HSPG2: variants seen among roughly 807,000 people sequenced by gnomAD.
The protein encoded by HSPG2 is basement membrane-specific heparan sulfate proteoglycan core protein.
In HSPG2, 278 loss-of-function variants were observed where a neutral mutation model predicts 526.6. That is an observed-to-expected ratio of 0.53 (90% confidence interval 0.48 to 0.58). The LOEUF (loss-of-function observed/expected upper bound fraction) is 0.58, where lower values mean the gene tolerates loss of function less well. Among genes scored for constraint, HSPG2 ranks in the 20% least tolerant of loss-of-function variants. The pLI is 0.00. For synonymous variants in HSPG2, 2,465 were observed against 2,555.4 expected (o/e 0.96, Z 1.07); for missense variants, 5,354 against 6,099.5 (o/e 0.88, Z 4.07).
rs759362038 is a variant in HSPG2 at position 21,865,104 on chromosome 1, C to G, written c.4396-31G>C. ...TTGGGGGTGGCAACGTGGGCGGGGG[C>G]AGTGGGCTTTGTGGGCTGCTCCTAC... On this transcript the variant is annotated intron_variant, in intron 35 of 96. Coordinates refer to ENST00000374695, the MANE Select transcript of HSPG2 (RefSeq NM_005529.7). The surrounding 1 kb of genome is among the most constrained non-coding windows in gnomAD (Gnocchi z 5.4). 46 of 1,553,064 alleles carry G rather than the reference C, an allele frequency of 3.0e-5. No individual in the cohort carries two copies. In the South Asian group the frequency reaches 5.2e-4, roughly 18 times the overall value.
chr1:21,931,720 A>G (rs898146177), intron 1 of HSPG2, among the ~76,000 whole-genome samples: 3 of 152,132 alleles, frequency 2.0e-5, no homozygotes, highest in Admixed American at 6.5e-5. Flanking sequence ...TCATTGCTCC[A>G]GATCTTTCCA....
chr1:21,888,648 G>A (rs764601144), intron 6 of HSPG2: 5 of 1,361,620 alleles, frequency 3.7e-6, no homozygotes, highest in African/African-American at 1.5e-5. Context: ...GCTGGGCCTC[G>A]GCCTGGCTTA....
At position 21,873,424 on chromosome 1, in the gene HSPG2, C is replaced by T. The variant is rs746791715; in HGVS notation, c.3744G>A (p.Arg1248=). 5.0e-6 allele frequency: 8 copies of T among 1,613,882 alleles called. No individual in the cohort carries two copies. The Admixed American group carries it at 5.0e-5, about 10-fold the overall frequency. The part of the protein sequence containing the change: ...SPGHSGRHCE[R]CAPGYYGNPS... ...GGTTGCCATAGTAGCCAGGGGCGCA[C>T]CTGCAGAGAGAAAAAGCCTCTGATG... The change falls in exon 30 of 97, where the codon AGG becomes AGA. Residue 1248 remains arginine (R), a splice_region_variant and synonymous_variant. Transcript: ENST00000374695.
At chr1:21,863,848 A>T (rs1042728733) in intron 37 of HSPG2, among the ~76,000 whole-genome samples, 3 of 152,162 alleles carry the variant, frequency 2.0e-5, no homozygotes, top group East Asian at 1.9e-4. Flanking sequence ...TGTATTAGAT[A>T]AAAAAAATTT....
In HSPG2 at chr1:21,834,667, A is replaced by G. The variant is rs2098019095; in HGVS notation, c.10720+12T>C. On this transcript the variant is annotated intron_variant, in intron 77 of 96. Transcript: ENST00000374695. The stretch of plus-strand genomic sequence containing the variant: ...TCACTGTCCCCCAACAAAAGTCCCC[A>G]CTGGCCTTCACCTTGCACAAGCAGC... The G allele has an allele frequency of 6.2e-7, 1 of 1,613,778 alleles. No individual in the cohort carries two copies. The highest frequency in any genetic ancestry group is 1.3e-5 in the African/African-American group (1 of 74,916).
chr1:21,830,305 C>G lies in HSPG2; in HGVS notation c.11672-214G>C, dbSNP rs972887581. The G allele has an allele frequency of 1.4e-5, 8 of 590,164 alleles. No homozygotes were observed. In the Admixed American group the frequency reaches 1.7e-4, roughly 13 times the overall value. 36.6% of individuals were successfully genotyped at this position (590,164 alleles called of 1,614,324 possible). A position where few individuals can be genotyped will look rare whatever the true frequency, so the allele number is the denominator to read the frequency against. ...CTGCAGGGGAAGCAGTCGAGGGACT[C>G]TGTGTGTCTGCAGGTTCTTCAGAGA... On this transcript the variant is annotated intron_variant, in intron 85 of 96. Coordinates refer to ENST00000374695, the MANE Select transcript of HSPG2 (RefSeq NM_005529.7).
chr1:21,936,131 C>T (rs1289360744), intron 1 of HSPG2, among the ~76,000 whole-genome samples: 6 of 152,098 alleles, frequency 3.9e-5, no homozygotes, highest in Admixed American at 6.5e-5. Context: ...GTGGGGGTGG[C>T]TCTGTGGCTC....
chr1:21,889,933 A>T, intron 6 of HSPG2, 48 bp downstream of exon 6: 1 of 1,606,296 alleles, frequency 6.2e-7, no homozygotes, highest in East Asian at 2.2e-5. Context: ...CTGAAAGGGG[A>T]CCCCACGAGT....
Position 21,833,819 on chromosome 1 carries a change from G to T in HSPG2, c.10827C>A (p.Ser3609Arg). The T allele has an allele frequency of 6.3e-7, 1 of 1,590,506 alleles. No homozygotes were observed. Among genetic ancestry groups the T allele is most frequent in the Non-Finnish European group, 8.6e-7 (1 of 1,167,140 alleles). ...SGYPTPDISW[S>R]KLDGSLPPDS... is the part of the protein sequence containing the mutation. ...TGGTTCCCTCTCCAGCACTTACCTTGCTCCAGCTGATGTCAGGAGTGGGGT... is the reference window on the plus strand; with the variant it reads ...TGGTTCCCTCTCCAGCACTTACCTTTCTCCAGCTGATGTCAGGAGTGGGGT... Residue 3609 changes from serine (S) to arginine (R), a missense_variant, in exon 78 of 97, where the codon AGC becomes AGA. Coordinates refer to ENST00000374695, the MANE Select transcript of HSPG2 (RefSeq NM_005529.7).
Position 21,893,860 on chromosome 1 carries a change from G to T in HSPG2, c.244+2062C>A, listed in dbSNP as rs1642550559. 6.6e-6 allele frequency among the ~76,000 whole-genome samples: 1 copy of T among 150,908 alleles called. No homozygotes were observed. Among genetic ancestry groups the T allele is most frequent in the Admixed American group, 6.6e-5 (1 of 15,194 alleles). On this transcript the variant is annotated intron_variant, in intron 3 of 96. Coordinates refer to ENST00000374695, the MANE Select transcript of HSPG2 (RefSeq NM_005529.7). This position sits in a 1 kb window ranked among gnomAD's most constrained non-coding sequence, Gnocchi z 4.3. ...AAGGTAAGACAAAGGTGAAGAAAAAGGCAGAGGGAAAAAGAAAAAAAAAAA... is the reference window on the plus strand; with the variant it reads ...AAGGTAAGACAAAGGTGAAGAAAAATGCAGAGGGAAAAAGAAAAAAAAAAA...
At chr1:21,883,670 C>A (rs773994350) in intron 13 of HSPG2, among the ~76,000 whole-genome samples, 1 of 152,180 alleles carries the variant, frequency 6.6e-6, no homozygotes, top group African/African-American at 2.4e-5. Flanking sequence ...CCTCAACCAA[C>A]AAAAGGGCAT....
chr1:21,836,559 G>A (rs1450531746), intron 75 of HSPG2, among the ~76,000 whole-genome samples: 1 of 152,184 alleles, frequency 6.6e-6, no homozygotes, highest in Non-Finnish European at 1.5e-5. Context: ...CTGACCTCAG[G>A]TGATCTGCCC....
intron 29 of HSPG2, among the ~76,000 whole-genome samples, 181 bp from the exon 30 acceptor site, chr1:21,873,605 G>A (rs1572313950): frequency 6.6e-6 from 1 of 152,186 alleles, no homozygotes; most frequent in African/African-American, 2.4e-5. Flanking sequence ...GGACCGCACA[G>A]CCAGTGAATT....
intron 9 of HSPG2, among the ~76,000 whole-genome samples, 156 bp from the exon 10 acceptor site, chr1:21,885,607 A>G (rs991578874): frequency 2.0e-5 from 3 of 152,136 alleles, no homozygotes; most frequent in Admixed American, 6.5e-5. Flanking sequence ...AGCCAGCATG[A>G]TGCGGCCACC....
chr1:21,832,958 G>A, intron 80 of HSPG2: 1 of 557,954 alleles, frequency 1.8e-6, no homozygotes, highest in South Asian at 2.0e-5. Flanking sequence ...GTGAGATGGA[G>A]GCAGAGGAGG....
chr1:21,922,700 G>T (rs982065512), intron 1 of HSPG2, among the ~76,000 whole-genome samples: 5 of 152,118 alleles, frequency 3.3e-5, no homozygotes, highest in Non-Finnish European at 7.4e-5. Context: ...GGAGGAAGGT[G>T]GCCCTGCCTA....
At position 21,878,660 on chromosome 1, in the gene HSPG2, G is replaced by C; in HGVS notation, c.2475C>G (p.Phe825Leu). The change falls in exon 19 of 97, where the codon TTC becomes TTG. Residue 825 changes from phenylalanine (F) to leucine (L), a missense_variant. Transcript: ENST00000374695. ...CCGTGTCCAGGAAGCAAGTGTCTGAGAATCTGCAGGTATCAAGTGGACAGG... is the reference window on the plus strand; with the variant it reads ...CCGTGTCCAGGAAGCAAGTGTCTGACAATCTGCAGGTATCAAGTGGACAGG... ...PCPYIDASRR[F>L]SDTCFLDTDG... 1 of 1,614,014 alleles carries C rather than the reference G, an allele frequency of 6.2e-7. No individual in the cohort carries two copies. Among genetic ancestry groups the C allele is most frequent in the Non-Finnish European group, 8.5e-7 (1 of 1,179,890 alleles).
In HSPG2 at chr1:21,858,373, T is replaced by G. The variant is rs1370159678; in HGVS notation, c.5294-988A>C. On this transcript the variant is annotated intron_variant, in intron 42 of 96. Coordinates refer to ENST00000374695, the MANE Select transcript of HSPG2 (RefSeq NM_005529.7). This position sits in a 1 kb window ranked among gnomAD's most constrained non-coding sequence, Gnocchi z 4.2. The stretch of plus-strand genomic sequence containing the variant: ...CCTGCCCTTCCTCTTCCATTTGACA[T>G]GTTCACACTGGAGCTCCTCAGGACT... Among the ~76,000 whole-genome samples, 1 of 152,196 alleles carries G rather than the reference T, an allele frequency of 6.6e-6. No homozygotes were observed. The highest frequency in any genetic ancestry group is 1.5e-5 in the Non-Finnish European group (1 of 68,024).
chr1:21,837,292 C>A (rs2098030390), intron 74 of HSPG2, among the ~76,000 whole-genome samples: 1 of 152,102 alleles, frequency 6.6e-6, no homozygotes, highest in Non-Finnish European at 1.5e-5. Context: ...GGACTCAATA[C>A]TTTTTTTGAG....
Sources: allele counts gnomAD v4.1 joint callset (sites outside exome capture counted in the v4.1 genomes callset), GRCh38; gene constraint gnomAD v4.1.1; non-coding constraint Gnocchi (gnomAD v3.1); transcripts MANE v1.5; gene names NCBI Gene and HGNC (gene_info 2026-07-23, HGNC 2026-07-21).